Variants in SH3BGR observed in about 807,000 individuals in gnomAD.
SH3BGR encodes the protein SH3 domain binding glutamate rich protein.
In SH3BGR, 29 loss-of-function variants were observed where a neutral mutation model predicts 24.5. The ratio of observed to expected loss-of-function variants is 1.18; its 90% CI spans 0.88 to 1.61. The LOEUF is 1.61. Among genes scored for constraint, SH3BGR ranks in the 40% most tolerant of loss-of-function variants. The probability of loss-of-function intolerance (pLI) is 0.00; values close to 1 mark genes in which losing one functional copy is unlikely to be tolerated. For missense variants in SH3BGR, 162 were observed against 205.8 expected (o/e 0.79, Z 1.30); for synonymous variants, 55 against 65.7 (o/e 0.84, Z 0.79).
chr21:39,493,216 T>C (rs2078334186), intron 3 of SH3BGR, among the ~76,000 whole-genome samples: 1 of 152,202 alleles, frequency 6.6e-6, no homozygotes, highest in Non-Finnish European at 1.5e-5. Context: ...CAAGGGTTTT[T>C]CTGATGTTAT....
At chr21:39,452,732 G>T (rs1406834627) in intron 1 of SH3BGR, among the ~76,000 whole-genome samples, 1 of 152,192 alleles carries the variant, frequency 6.6e-6, no homozygotes, top group East Asian at 1.9e-4. Context: ...CAAAATAAGA[G>T]CTGAAAGCCG....
chr21:39,492,443 G>GGTGTGTGTGTGTGTGTGTGTGT (rs1164205385), intron 3 of SH3BGR, among the ~76,000 whole-genome samples: 3 of 136,554 alleles, frequency 2.2e-5, no homozygotes, highest in African/African-American at 8.3e-5. Flanking sequence ...AGTTTCCCTT[G>GGTGTGTGTGTGTGTGTGTGTGT]GTGTGTGTGT....
chr21:39,511,643 T>G lies in SH3BGR; in HGVS notation c.436-37T>G, dbSNP rs753715665. 1 of 1,600,338 alleles carries G rather than the reference T, an allele frequency of 6.2e-7. No homozygotes were observed. Among genetic ancestry groups the G allele is most frequent in the Non-Finnish European group, 8.5e-7 (1 of 1,175,098 alleles). On this transcript the variant is annotated intron_variant, in intron 5 of 6. Transcript: ENST00000333634. The surrounding 1 kb of genome is among the most constrained non-coding windows in gnomAD (Gnocchi z 4.2). ...TTTCTCACTGTATCCTTGGCCCTTA[T>G]GCTTCTTAATACTAATGTAAGTTTT... is the stretch of plus-strand genomic sequence containing the variant.
chr21:39,492,125 A>G (rs1269767327), intron 3 of SH3BGR, among the ~76,000 whole-genome samples: 1 of 152,034 alleles, frequency 6.6e-6, no homozygotes, highest in Non-Finnish European at 1.5e-5. Context: ...GACAGGTGGT[A>G]TTTGGTTACA....
intron 3 of SH3BGR, among the ~76,000 whole-genome samples, chr21:39,491,224 A>G (rs1312790051): frequency 6.6e-6 from 1 of 151,510 alleles, no homozygotes; most frequent in Non-Finnish European, 1.5e-5. Flanking sequence ...ATCTCGGCTC[A>G]CTGCAACCTC....
chr21:39,511,229 G>A lies in SH3BGR; in HGVS notation c.436-451G>A, dbSNP rs571295667. 6.7e-6 allele frequency among the ~76,000 whole-genome samples: 1 copy of A among 150,120 alleles called. No individual in the cohort carries two copies. Among genetic ancestry groups the A allele is most frequent in the Admixed American group, 6.7e-5 (1 of 15,016 alleles). ...GTGTGTGTGATGTGTGTTATGGTGT[G>A]TATGTTATGGTGTGGAGGGTATGTA... On this transcript the variant is annotated intron_variant, in intron 5 of 6. Coordinates refer to ENST00000333634, the MANE Select transcript of SH3BGR (RefSeq NM_007341.3). This position sits in a 1 kb window ranked among gnomAD's most constrained non-coding sequence, Gnocchi z 4.2.
At position 39,491,088 on chromosome 21, in the gene SH3BGR, C is replaced by G. The variant is rs912749156; in HGVS notation, c.313-8735C>G. 2.0e-5 allele frequency among the ~76,000 whole-genome samples: 3 copies of G among 152,050 alleles called. No individual in the cohort carries two copies. The South Asian group carries it at 6.2e-4, about 32-fold the overall frequency. ...CTGTTATAAATCAGAGTATTTAGTT[C>G]ATTAACAATTAATCATTGACATAAT... On this transcript the variant is annotated intron_variant, in intron 3 of 6. Coordinates refer to ENST00000333634, the MANE Select transcript of SH3BGR (RefSeq NM_007341.3).
At chr21:39,453,853 A>C (rs1258186611) in intron 1 of SH3BGR, among the ~76,000 whole-genome samples, 1 of 152,222 alleles carries the variant, frequency 6.6e-6, no homozygotes. Flanking sequence ...CATGGTGTCA[A>C]GTGTTTATCA....
rs1185992759 is a variant in SH3BGR, at chr21:39,456,210, T to A, written c.45+4069T>A. 6.6e-5 allele frequency among the ~76,000 whole-genome samples: 10 copies of A among 152,314 alleles called. No homozygotes were observed. In the East Asian group the frequency reaches 1.7e-3, roughly 26 times the overall value. On this transcript the variant is annotated intron_variant, in intron 1 of 6. Transcript: ENST00000333634. The stretch of plus-strand genomic sequence containing the variant: ...CTGGGCCAGCTGCCTCCCAGGCCAA[T>A]TCGTGCTCCCAAGAGGGTATCTTAG...
chr21:39,492,246 C>T (rs1049724788), intron 3 of SH3BGR, among the ~76,000 whole-genome samples: 1 of 152,030 alleles, frequency 6.6e-6, no homozygotes, highest in Admixed American at 6.6e-5. Flanking sequence ...ACCCTTTCCC[C>T]CTGAGTCCCC....
chr21:39,469,942 C>T (rs1416997664), intron 2 of SH3BGR, among the ~76,000 whole-genome samples: 1 of 151,990 alleles, frequency 6.6e-6, no homozygotes, highest in Admixed American at 6.6e-5. Flanking sequence ...GGACGTGAGC[C>T]GCCATGCCCA....
chr21:39,446,729 G>A (rs552871484), intron 1 of SH3BGR, among the ~76,000 whole-genome samples: 16 of 152,146 alleles, frequency 1.1e-4, no homozygotes, highest in African/African-American at 3.9e-4. Flanking sequence ...TTTAAAACTT[G>A]ACATTCATCT....
chr21:39,511,365 TTG>T lies in SH3BGR; in HGVS notation c.436-308_436-307del, dbSNP rs557339319. Among the ~76,000 whole-genome samples, 1 of 149,492 alleles carries T rather than the reference TTG, an allele frequency of 6.7e-6. No individual in the cohort carries two copies. The highest frequency in any genetic ancestry group is 1.5e-5 in the Non-Finnish European group (1 of 67,016). ...GTGTGTGCTATGTGGTGTTTGGTAT[TTG>T]TGTGTGGTGTGTATGTGGTGTGTGT... is the stretch of plus-strand genomic sequence containing the variant. On this transcript the variant is annotated intron_variant, in intron 5 of 6. Coordinates refer to ENST00000333634, the MANE Select transcript of SH3BGR (RefSeq NM_007341.3). The surrounding 1 kb of genome is among the most constrained non-coding windows in gnomAD (Gnocchi z 4.2).
intron 3 of SH3BGR, among the ~76,000 whole-genome samples, chr21:39,484,242 G>A (rs2078174490): frequency 6.6e-6 from 1 of 152,128 alleles, no homozygotes; most frequent in Non-Finnish European, 1.5e-5. Flanking sequence ...CAGAATCTGG[G>A]ACTATATCTT....
intron 3 of SH3BGR, chr21:39,488,658 C>G (rs76381333): frequency 1.3e-5 from 5 of 376,428 alleles, no homozygotes; most frequent in East Asian, 6.9e-5. Context: ...AGGGCACCAT[C>G]ATGGGCGCTG....
At chr21:39,447,355 T>A (rs531191495), upstream of SH3BGR, among the ~76,000 whole-genome samples, 2 of 152,098 alleles carry the variant, frequency 1.3e-5, no homozygotes, top group African/African-American at 4.8e-5. Context: ...CTTTTCCCAG[T>A]CTGTAGACAT....
chr21:39,495,337 G>A (rs145661670), intron 3 of SH3BGR, among the ~76,000 whole-genome samples: 1 of 152,216 alleles, frequency 6.6e-6, no homozygotes, highest in Non-Finnish European at 1.5e-5. Flanking sequence ...GAAAAACATT[G>A]ACTATTGTGT....
At chr21:39,467,930 A>G (rs1462126969) in intron 2 of SH3BGR, among the ~76,000 whole-genome samples, 1 of 152,242 alleles carries the variant, frequency 6.6e-6, no homozygotes, top group Non-Finnish European at 1.5e-5. Context: ...GAGACACCAC[A>G]CTGGAAGCCA....
intron 1 of SH3BGR, among the ~76,000 whole-genome samples, chr21:39,456,060 T>C (rs1569148735): frequency 6.6e-6 from 1 of 152,168 alleles, no homozygotes; most frequent in Non-Finnish European, 1.5e-5. Flanking sequence ...GAAACATAAG[T>C]CAAGACTTTT....
Sources: allele counts gnomAD v4.1 joint callset (sites outside exome capture counted in the v4.1 genomes callset), GRCh38; gene constraint gnomAD v4.1.1; non-coding constraint Gnocchi (gnomAD v3.1); transcripts MANE v1.5; gene names NCBI Gene and HGNC (gene_info 2026-07-23, HGNC 2026-07-21).